Variants in HSD17B12 observed in about 807,000 individuals in gnomAD.
HSD17B12 encodes very-long-chain 3-oxoacyl-CoA reductase.
In HSD17B12, 32 loss-of-function variants were observed where a neutral mutation model predicts 39.3. The observed-to-expected ratio is 0.81, with a 90% CI of 0.61 to 1.09. The LOEUF (loss-of-function observed/expected upper bound fraction) is 1.09. Among genes scored for constraint, HSD17B12 ranks in the 50% least tolerant of loss-of-function variants. The pLI is 0.00. For synonymous variants in HSD17B12, 150 were observed against 146.7 expected (o/e 1.02, Z -0.16); for missense variants, 342 against 382.9 (o/e 0.89, Z 0.89).
chr11:43,809,060 A>G (rs146973294), intron 4 of HSD17B12, among the ~76,000 whole-genome samples: 183 of 152,336 alleles, frequency 1.2e-3, no homozygotes, highest in African/African-American at 4.0e-3. Flanking sequence ...ATGGATGTCC[A>G]GAGTCCACTC....
the HSD17B12 span, among the ~76,000 whole-genome samples, chr11:43,646,766 G>A: frequency 3.9e-5 from 6 of 152,096 alleles, no homozygotes; most frequent in African/African-American, 1.2e-4. Context: ...AAGAATTTTG[G>A]TATTTAATCA....
At chr11:43,837,592 T>C (rs551268636) in intron 7 of HSD17B12, among the ~76,000 whole-genome samples, 1 of 152,308 alleles carries the variant, frequency 6.6e-6, no homozygotes, top group Admixed American at 6.5e-5. Context: ...CTTTCAGTAG[T>C]CTCTAAAAGT....
chr11:43,741,039 C>T (rs1452335681), intron 1 of HSD17B12, among the ~76,000 whole-genome samples: 1 of 152,084 alleles, frequency 6.6e-6, no homozygotes, highest in Non-Finnish European at 1.5e-5. Context: ...AAAAAACAAG[C>T]AGTACTTCTG....
At chr11:43,689,219 G>C (rs1487927166) in intron 1 of HSD17B12, among the ~76,000 whole-genome samples, 2 of 152,300 alleles carry the variant, frequency 1.3e-5, no homozygotes, top group East Asian at 3.9e-4. Context: ...AAAAACCTTA[G>C]AGTTATCTTT....
chr11:43,705,641 A>G (rs970881838), intron 1 of HSD17B12, among the ~76,000 whole-genome samples: 2 of 151,172 alleles, frequency 1.3e-5, no homozygotes, highest in African/African-American at 4.9e-5. Flanking sequence ...TAACTCTGCC[A>G]TTTTTCCATA....
chr11:43,760,840 C>T (rs1480609232), intron 3 of HSD17B12, among the ~76,000 whole-genome samples: 1 of 152,184 alleles, frequency 6.6e-6, no homozygotes, highest in East Asian at 1.9e-4. Flanking sequence ...GAGTTAATCT[C>T]ATATAGCCCC....
chr11:43,606,718 T>A, the HSD17B12 span, among the ~76,000 whole-genome samples: 5 of 152,188 alleles, frequency 3.3e-5, no homozygotes, highest in African/African-American at 1.2e-4. Context: ...CATATCCCCA[T>A]TGATTCTTTA....
chr11:43,849,193 T>C (rs1264328525), intron 9 of HSD17B12, among the ~76,000 whole-genome samples: 3 of 152,110 alleles, frequency 2.0e-5, no homozygotes, highest in East Asian at 1.9e-4. Context: ...TGGTCCTTGA[T>C]ACTTGGGAGG....
At chr11:43,695,589 C>A (rs1317695550) in intron 1 of HSD17B12, among the ~76,000 whole-genome samples, 3 of 152,030 alleles carry the variant, frequency 2.0e-5, no homozygotes, top group Admixed American at 6.6e-5. Flanking sequence ...AAAAAAAAAT[C>A]TTTATTATGA....
At chr11:43,700,190 C>A (rs1049834236) in intron 1 of HSD17B12, among the ~76,000 whole-genome samples, 55 of 151,992 alleles carry the variant, frequency 3.6e-4, no homozygotes, top group African/African-American at 1.3e-3. Flanking sequence ...AGAAAAAGTC[C>A]TAATTTATTT....
intron 1 of HSD17B12, among the ~76,000 whole-genome samples, chr11:43,724,492 GAAC>G (rs1382313572): frequency 2.0e-5 from 3 of 152,020 alleles, no homozygotes; most frequent in Non-Finnish European, 4.4e-5. Flanking sequence ...AGTGGCTTAC[GAAC>G]AACAGAAATT....
the HSD17B12 span, among the ~76,000 whole-genome samples, chr11:43,616,541 C>T: frequency 6.6e-6 from 1 of 151,064 alleles, no homozygotes; most frequent in Non-Finnish European, 1.5e-5. Context: ...AGGCATTGTT[C>T]TAAGTGCTTC....
chr11:43,638,876 G>T, the HSD17B12 span, among the ~76,000 whole-genome samples: 2 of 152,128 alleles, frequency 1.3e-5, no homozygotes, highest in African/African-American at 4.8e-5. Context: ...TACATTCCTT[G>T]ACAGTTTCCC....
At chr11:43,704,493 G>C (rs1949995890) in intron 1 of HSD17B12, among the ~76,000 whole-genome samples, 1 of 152,142 alleles carries the variant, frequency 6.6e-6, no homozygotes, top group Non-Finnish European at 1.5e-5. Flanking sequence ...CTCAGTACAG[G>C]GTGACTGCAA....
At chr11:43,600,269 G>C in the HSD17B12 span, among the ~76,000 whole-genome samples, 3 of 150,102 alleles carry the variant, frequency 2.0e-5, no homozygotes, top group African/African-American at 7.3e-5. Context: ...TCATTCTTGA[G>C]TTCTTTATTT....
chr11:43,604,437 A>G, the HSD17B12 span, among the ~76,000 whole-genome samples: 5 of 152,184 alleles, frequency 3.3e-5, no homozygotes, highest in Admixed American at 6.5e-5. Flanking sequence ...TATTTTGTCA[A>G]TGTAGACCTA....
rs1213888041 is a variant in HSD17B12 at position 43,689,620 on chromosome 11, C to T, written c.160+8633C>T. ...GGAGGGCTGTGGTGTGATCTCAGCT[C>T]ACTGCAGCCTCTGCCTCTCAGGTTC... is the stretch of plus-strand genomic sequence containing the variant. On this transcript the variant is annotated intron_variant, in intron 1 of 10. Transcript: ENST00000278353. 3.9e-5 allele frequency among the ~76,000 whole-genome samples: 6 copies of T among 152,270 alleles called. No individual in the cohort carries two copies. In the East Asian group the frequency reaches 1.2e-3, roughly 29 times the overall value.
chr11:43,712,435 A>G (rs571248535), intron 1 of HSD17B12, among the ~76,000 whole-genome samples: 4 of 152,208 alleles, frequency 2.6e-5, no homozygotes, highest in Non-Finnish European at 5.9e-5. Flanking sequence ...CAAAAAATGA[A>G]GAAACAACCA....
chr11:43,716,809 A>G (rs1007043925), intron 1 of HSD17B12, among the ~76,000 whole-genome samples: 1 of 150,552 alleles, frequency 6.6e-6, no homozygotes, highest in Non-Finnish European at 1.5e-5. Flanking sequence ...AACATCTGGC[A>G]TGGTGGTGAG....
Sources: allele counts gnomAD v4.1 joint callset (sites outside exome capture counted in the v4.1 genomes callset), GRCh38; gene constraint gnomAD v4.1.1; transcripts MANE v1.5; gene names NCBI Gene and HGNC (gene_info 2026-07-23, HGNC 2026-07-21).